CHN2: variants seen among roughly 807,000 people sequenced by gnomAD.
The protein encoded by CHN2 is chimerin 2.
CHN2 carries 35 observed loss-of-function variants against 56.3 expected under a neutral mutation model. That is an observed-to-expected ratio of 0.62 (90% CI 0.47 to 0.82). CHN2 has a LOEUF of 0.82. Among genes scored for constraint, CHN2 ranks in the 40% least tolerant of loss-of-function variants. The probability of loss-of-function intolerance (pLI) is 0.00; values close to 1 mark genes in which losing one functional copy is unlikely to be tolerated. For missense variants in CHN2, 491 were observed against 580.5 expected (o/e 0.85, Z 1.58); for synonymous variants, 210 against 212.8 (o/e 0.99, Z 0.12).
At chr7:29,175,977 G>A (rs879924364) in intron 2 of CHN2, among the ~76,000 whole-genome samples, 3 of 152,122 alleles carry the variant, frequency 2.0e-5, no homozygotes, top group Non-Finnish European at 2.9e-5. Flanking sequence ...ACAAGGTCAG[G>A]AGATCAAGAC....
intron 3 of CHN2, among the ~76,000 whole-genome samples, chr7:29,375,046 C>T (rs1768258815): frequency 6.6e-6 from 1 of 151,198 alleles, no homozygotes; most frequent in Non-Finnish European, 1.5e-5. Context: ...TGCCACCACA[C>T]CCAGCTAAAT....
chr7:29,355,991 C>T (rs1798290300), intron 2 of CHN2, among the ~76,000 whole-genome samples: 1 of 151,690 alleles, frequency 6.6e-6, no homozygotes, highest in African/African-American at 2.4e-5. Context: ...CCATGTTGCC[C>T]AGAGCGGTCT....
chr7:29,512,709 A>G lies in CHN2; in HGVS notation c.1381A>G (p.Ile461Val). The change falls in exon 13 of 13, where the codon ATA becomes GTA. Residue 461 changes from isoleucine (I) to valine (V), a missense_variant. Transcript: ENST00000222792. ...CCAAAAGCTGATTGTGCAGATTTTA[A>G]TAGAAAACGAAGACGTTTTATTCTA... ...RYQKLIVQILIENEDVLF is the reference protein window; with the variant it reads ...RYQKLIVQILVENEDVLF 1.2e-6 allele frequency: 2 copies of G among 1,614,204 alleles called. No homozygotes were observed. The highest frequency in any genetic ancestry group is 3.3e-4 in the Middle Eastern group (2 of 6,062).
chr7:29,512,889 A>G lies in CHN2; in HGVS notation c.*154A>G, dbSNP rs1488592227. 2 of 750,098 alleles carry G rather than the reference A, an allele frequency of 2.7e-6. No homozygotes were observed. Among genetic ancestry groups the G allele is most frequent in the African/African-American group, 3.5e-5 (2 of 56,366 alleles). The allele number at this position is 750,098 out of a possible 1,614,324, so 46.5% of individuals were successfully genotyped here. ...CGCTGAGTGGGGTACTGTGTCTCAT[A>G]GACATGCGCCACCTCCACGTGAGAA... is the stretch of plus-strand genomic sequence containing the variant. On this transcript the variant is annotated 3_prime_UTR_variant, in exon 13 of 13. Coordinates refer to ENST00000222792, the MANE Select transcript of CHN2 (RefSeq NM_004067.4).
intron 1 of CHN2, among the ~76,000 whole-genome samples, chr7:29,347,034 G>A (rs1015098128): frequency 2.0e-5 from 3 of 152,190 alleles, no homozygotes; most frequent in South Asian, 2.1e-4. Context: ...TTCCAGGAGC[G>A]TTCTGTGTCT....
At chr7:29,508,760 C>G (rs1357316784) in intron 11 of CHN2, among the ~76,000 whole-genome samples, 1 of 152,196 alleles carries the variant, frequency 6.6e-6, no homozygotes, top group Non-Finnish European at 1.5e-5. Context: ...CTAACCTGGG[C>G]TGTGCACCGG....
chr7:29,479,494 A>G (rs1268761307), intron 6 of CHN2, among the ~76,000 whole-genome samples: 1 of 152,186 alleles, frequency 6.6e-6, no homozygotes, highest in Non-Finnish European at 1.5e-5. Context: ...GACTGTTCCA[A>G]TGTAATGCAT....
chr7:29,451,457 T>A (rs771907383), intron 6 of CHN2, among the ~76,000 whole-genome samples: 5 of 152,116 alleles, frequency 3.3e-5, no homozygotes, highest in Non-Finnish European at 7.4e-5. Flanking sequence ...CTTCAGAAAC[T>A]ACTTCTTACT....
At position 29,442,934 on chromosome 7, in the gene CHN2, C is replaced by CTTTTTTT. The variant is rs541792526; in HGVS notation, c.577-37334_577-37328dup. Among the ~76,000 whole-genome samples the CTTTTTTT allele has an allele frequency of 4.9e-4, 50 of 103,062 alleles. 5 individuals are homozygous for CTTTTTTT. Among genetic ancestry groups the CTTTTTTT allele is most frequent in the African/African-American group, 1.9e-3 (40 of 21,038 alleles). 67.6% of individuals were successfully genotyped at this position (103,062 alleles called of 152,430 possible). ...CATCGCTTTCAATTTCATTGAATTT[C>CTTTTTTT]TTTTTTTTTTTTTTTTTGAGACGGA... On this transcript the variant is annotated intron_variant, in intron 6 of 12. Transcript: ENST00000222792.
intron 1 of CHN2, among the ~76,000 whole-genome samples, chr7:29,284,204 T>C (rs1346929632): frequency 6.6e-6 from 1 of 152,058 alleles, no homozygotes; most frequent in East Asian, 1.9e-4. Context: ...CAAGCGATTC[T>C]CCTGCCTCAG....
At chr7:29,491,341 C>T (rs986752780) in intron 7 of CHN2, among the ~76,000 whole-genome samples, 3 of 152,082 alleles carry the variant, frequency 2.0e-5, no homozygotes, top group Non-Finnish European at 2.9e-5. Flanking sequence ...TTTTCTATTG[C>T]ATCTTTTTTC....
At chr7:29,482,797 CTTTTTTTTTTTTTTTTTTTTTTTTT>C (rs375120538) in intron 7 of CHN2, among the ~76,000 whole-genome samples, 7 of 64,214 alleles carry the variant, frequency 1.1e-4, no homozygotes, top group African/African-American at 3.0e-4. Context: ...GCACTTTTTT[CTTTTTTTTTTTTTTTTTTTTTTTTT>C]TTTTTTTTTT....
chr7:29,347,232 T>A (rs1411808004), intron 1 of CHN2, among the ~76,000 whole-genome samples: 1 of 152,146 alleles, frequency 6.6e-6, no homozygotes, highest in Admixed American at 6.5e-5. Context: ...AAGGCCATTT[T>A]AAAATAAAAT....
intron 2 of CHN2, among the ~76,000 whole-genome samples, chr7:29,357,994 A>G (rs1005315221): frequency 2.0e-5 from 3 of 152,334 alleles, no homozygotes; most frequent in African/African-American, 7.2e-5. Flanking sequence ...ATATTCTTCC[A>G]TCACACACTT....
intron 1 of CHN2, among the ~76,000 whole-genome samples, chr7:29,252,968 C>T (rs1172991100): frequency 1.3e-5 from 2 of 152,176 alleles, no homozygotes; most frequent in Non-Finnish European, 2.9e-5. Context: ...ATATTTTCTA[C>T]AGGACCATCC....
At chr7:29,479,785 CA>C in intron 6 of CHN2, 1 of 1,206,524 alleles carries the variant, frequency 8.3e-7, no homozygotes, top group African/African-American at 1.6e-5. Context: ...CAGGAGAAAG[CA>C]GGCTGCCGGC....
chr7:29,496,493 G>C (rs1406981533), intron 8 of CHN2, among the ~76,000 whole-genome samples: 2 of 151,736 alleles, frequency 1.3e-5, no homozygotes, highest in African/African-American at 4.8e-5. Flanking sequence ...ACAGACCTTG[G>C]GGGAGATGCA....
chr7:29,366,837 G>A (rs1368403578), intron 2 of CHN2, among the ~76,000 whole-genome samples: 1 of 152,176 alleles, frequency 6.6e-6, no homozygotes, highest in Non-Finnish European at 1.5e-5. Context: ...TTCAGCCAAA[G>A]ACATTGGGGA....
intron 1 of CHN2, among the ~76,000 whole-genome samples, chr7:29,268,682 G>A (rs1039196051): frequency 6.6e-6 from 1 of 152,180 alleles, no homozygotes; most frequent in Non-Finnish European, 1.5e-5. Flanking sequence ...GCCACAGAAG[G>A]CAACACAACA....
Sources: gnomAD v4.1 joint callset for allele counts (sites outside exome capture counted in the v4.1 genomes callset) on GRCh38, gnomAD v4.1.1 for gene constraint, MANE v1.5 for transcripts, NCBI Gene and HGNC (gene_info 2026-07-23, HGNC 2026-07-21) for gene names.